Variants in MTUS2 observed in about 807,000 individuals in gnomAD.
MTUS2 encodes the protein microtubule-associated tumor suppressor candidate 2.
Under a neutral mutation model 114.1 loss-of-function variants are expected in MTUS2, and 40 were observed. The ratio of observed to expected loss-of-function variants is 0.35; its 90% confidence interval spans 0.27 to 0.46. MTUS2 has a LOEUF of 0.46. Ranked by LOEUF, MTUS2 falls within the 20% of genes least tolerant of loss-of-function variation. MTUS2 has a pLI of 1.00. For missense variants in MTUS2, 1,679 were observed against 1,705.4 expected (o/e 0.98, Z 0.27); for synonymous variants, 688 against 672.0 (o/e 1.02, Z -0.37).
chr13:29,371,980 C>CG (rs1488083828), intron 8 of MTUS2, among the ~76,000 whole-genome samples: 1 of 45,958 alleles, frequency 2.2e-5, no homozygotes, highest in East Asian at 7.0e-4. Flanking sequence ...ACCCCCGCCC[C>CG]CCCCCCCACA....
intron 2 of MTUS2, among the ~76,000 whole-genome samples, chr13:29,009,762 G>T (rs1429497138): frequency 1.3e-5 from 2 of 151,784 alleles, no homozygotes; most frequent in Non-Finnish European, 2.9e-5. Context: ...TTTTTTTAGT[G>T]CCTTTTTTCA....
At chr13:29,389,696 T>C (rs1368108788) in intron 8 of MTUS2, among the ~76,000 whole-genome samples, 2 of 135,776 alleles carry the variant, frequency 1.5e-5, no homozygotes, top group African/African-American at 6.6e-5. Flanking sequence ...TGTATATATG[T>C]GTATATGTGT....
At chr13:29,179,989 C>T (rs1405680170) in intron 5 of MTUS2, among the ~76,000 whole-genome samples, 1 of 152,198 alleles carries the variant, frequency 6.6e-6, no homozygotes, top group African/African-American at 2.4e-5. Flanking sequence ...GAAATCAGAA[C>T]ATAAACTGTG....
At chr13:29,348,276 T>G (rs1868911370) in intron 7 of MTUS2, among the ~76,000 whole-genome samples, 1 of 151,752 alleles carries the variant, frequency 6.6e-6, no homozygotes, top group South Asian at 2.1e-4. Flanking sequence ...TCCAAGGGAT[T>G]TAGGAGCTTT....
At chr13:28,994,323 C>T (rs1351918524) in intron 2 of MTUS2, among the ~76,000 whole-genome samples, 1 of 152,134 alleles carries the variant, frequency 6.6e-6, no homozygotes, top group African/African-American at 2.4e-5. Flanking sequence ...TGGGTTGGTT[C>T]CAAGTCTTTG....
At position 28,902,706 on chromosome 13, in the gene MTUS2, G is replaced by T. The variant is rs1879717855; in HGVS notation, c.-243+62856G>T. Reference sequence around the variant, plus strand: ...GTGTAATTCTTTTTATACACTGTTTGACTCAATTTGCTAATATTATGTTTA... The same window carrying T: ...GTGTAATTCTTTTTATACACTGTTTTACTCAATTTGCTAATATTATGTTTA... On this transcript the variant is annotated intron_variant, in intron 2 of 15. Transcript: ENST00000612955. Among the ~76,000 whole-genome samples, 3 of 152,034 alleles carry T rather than the reference G, an allele frequency of 2.0e-5. No homozygotes were observed. The South Asian group carries it at 6.2e-4, about 32-fold the overall frequency.
chr13:28,979,074 T>C lies in MTUS2; in HGVS notation c.-242-45383T>C, dbSNP rs189944848. ...CTCTGCAGTCAGACATTGCAAAGAG[T>C]TCCAGTGAACATTTTAGAATAACTA... On this transcript the variant is annotated intron_variant, in intron 2 of 15. Coordinates refer to ENST00000612955, the MANE Select transcript of MTUS2 (RefSeq NM_001033602.4). Among the ~76,000 whole-genome samples, 4 of 152,196 alleles carry C rather than the reference T, an allele frequency of 2.6e-5. No homozygotes were observed. In the East Asian group the frequency reaches 7.7e-4, roughly 29 times the overall value.
intron 2 of MTUS2, among the ~76,000 whole-genome samples, chr13:28,928,483 C>T (rs1471699106): frequency 6.6e-6 from 1 of 152,048 alleles, no homozygotes; most frequent in East Asian, 1.9e-4. Flanking sequence ...TACAAATGGC[C>T]AGCAGATATA....
chr13:29,323,339 T>C (rs561652868), intron 6 of MTUS2, among the ~76,000 whole-genome samples: 46 of 151,462 alleles, frequency 3.0e-4, no homozygotes, highest in African/African-American at 1.1e-3. Context: ...AAGCGCCACC[T>C]CCTGGGTTCA....
intron 5 of MTUS2, among the ~76,000 whole-genome samples, chr13:29,116,284 T>C (rs1184464297): frequency 6.6e-6 from 1 of 152,218 alleles, no homozygotes; most frequent in African/African-American, 2.4e-5. Context: ...TTACCCTAAA[T>C]ATATGCAATA....
At chr13:28,882,096 G>A (rs972346271) in intron 2 of MTUS2, among the ~76,000 whole-genome samples, 5 of 151,566 alleles carry the variant, frequency 3.3e-5, no homozygotes, top group Admixed American at 1.3e-4. Flanking sequence ...GTCTTGCTCT[G>A]TCTCCCAGGC....
At chr13:29,460,592 G>T (rs1346443808) in intron 9 of MTUS2, among the ~76,000 whole-genome samples, 3 of 152,062 alleles carry the variant, frequency 2.0e-5, no homozygotes. Context: ...CTATCCTCAA[G>T]TCCTGTTTTT....
intron 5 of MTUS2, among the ~76,000 whole-genome samples, chr13:29,251,292 GATAATA>G (rs10526021): frequency 5.5e-5 from 8 of 146,508 alleles, no homozygotes; most frequent in African/African-American, 1.5e-4. Flanking sequence ...ATGGGATGAT[GATAATA>G]ATAATAATAA....
At chr13:29,356,547 C>T (rs562603253) in intron 7 of MTUS2, among the ~76,000 whole-genome samples, 10 of 152,204 alleles carry the variant, frequency 6.6e-5, no homozygotes, top group African/African-American at 2.2e-4. Context: ...ACCCTGGGGA[C>T]GGTATGACAT....
At chr13:29,422,156 C>T (rs967158496) in intron 8 of MTUS2, among the ~76,000 whole-genome samples, 5 of 152,166 alleles carry the variant, frequency 3.3e-5, no homozygotes, top group Admixed American at 2.0e-4. Flanking sequence ...GTTCTACAGG[C>T]CTTGTAGATG....
intron 2 of MTUS2, among the ~76,000 whole-genome samples, chr13:29,010,931 G>A (rs922537046): frequency 1.3e-5 from 2 of 152,126 alleles, no homozygotes; most frequent in Non-Finnish European, 1.5e-5. Context: ...TGGGAGAGGT[G>A]CCCCTGGAGT....
intron 6 of MTUS2, among the ~76,000 whole-genome samples, chr13:29,319,103 T>C (rs1395744755): frequency 3.9e-5 from 6 of 152,208 alleles, no homozygotes; most frequent in Non-Finnish European, 8.8e-5. Flanking sequence ...AGGAGCCTTC[T>C]TGACCAACAT....
At chr13:29,498,359 T>C (rs945937166) in intron 13 of MTUS2, 59 bp from the exon 14 acceptor site, 5 of 1,607,102 alleles carry the variant, frequency 3.1e-6, no homozygotes, top group Non-Finnish European at 3.4e-6. Context: ...GTGACATTGG[T>C]TAATACTGGG....
intron 3 of MTUS2, among the ~76,000 whole-genome samples, chr13:29,027,287 C>T (rs1039842345): frequency 1.3e-5 from 2 of 152,198 alleles, no homozygotes; most frequent in Non-Finnish European, 2.9e-5. Flanking sequence ...ATAGATCAGA[C>T]TCATTCCTCA....
Sources: allele counts gnomAD v4.1 joint callset (sites outside exome capture counted in the v4.1 genomes callset), GRCh38; gene constraint gnomAD v4.1.1; transcripts MANE v1.5; gene names NCBI Gene and HGNC (gene_info 2026-07-23, HGNC 2026-07-21).